The following TMX3 variants were observed in gnomAD, a reference collection of about 807,000 sequenced individuals.
TMX3 encodes protein disulfide-isomerase TMX3.
In TMX3, 40 loss-of-function variants were observed where a neutral mutation model predicts 64.4. The observed-to-expected ratio is 0.62, with a 90% CI of 0.48 to 0.81. The LOEUF (loss-of-function observed/expected upper bound fraction) is 0.81, where lower values mean the gene tolerates loss of function less well. Ranked by LOEUF, TMX3 falls within the 30% of genes least tolerant of loss-of-function variation. The pLI is 0.00. For synonymous variants in TMX3, 189 were observed against 175.7 expected (o/e 1.08, Z -0.60); for missense variants, 497 against 534.5 (o/e 0.93, Z 0.69).
intron 9 of TMX3, 55 bp from the exon 10 acceptor site, chr18:68,687,820 A>G: frequency 7.3e-7 from 1 of 1,374,862 alleles, no homozygotes; most frequent in Non-Finnish European, 1.0e-6. Context: ...TTTAAGAGTT[A>G]TAATAGCTTT....
rs1459318823 is a variant in TMX3, at chr18:68,697,274, C to T, written c.522G>A (p.Leu174=). Residue 174 remains leucine, a synonymous_variant, in exon 8 of 16, where the codon TTG becomes TTA. Coordinates refer to ENST00000299608, the MANE Select transcript of TMX3 (RefSeq NM_019022.5). ...CAGAAAAGAAGTATGTATATACAAT[C>T]AATTCTGAAGCAGCATCTATGTATT... ...KEKYIDAASE[L]IVYTYFFSAS... 2 of 1,579,340 alleles carry T rather than the reference C, an allele frequency of 1.3e-6. No individual in the cohort carries two copies. Among genetic ancestry groups the T allele is most frequent in the Non-Finnish European group, 1.7e-6 (2 of 1,161,460 alleles).
intron 8 of TMX3, among the ~76,000 whole-genome samples, chr18:68,692,411 C>G (rs753642633): frequency 5.9e-5 from 9 of 152,170 alleles, no homozygotes; most frequent in Non-Finnish European, 1.2e-4. Context: ...TCTTCTATTA[C>G]TGTTACAGTC....
At position 68,682,968 on chromosome 18, in the gene TMX3, C is replaced by A; in HGVS notation, c.862G>T (p.Gly288Cys). Residue 288 changes from glycine (G) to cysteine (C), a missense_variant, in exon 13 of 16, where the codon GGC becomes TGC. Around this residue, in one of 3 missense-constraint regions of TMX3, gnomAD observed 360 missense variants for 383.5 expected, o/e 0.94. Transcript: ENST00000299608. Reference protein sequence around the residue: ...RDLFHRDFQFGHMDGNDYINT... With the variant: ...RDLFHRDFQFCHMDGNDYINT... ...ATGTAGTCATTTCCATCCATGTGGCCAAACTGAAAATCCCTAACCACCACC... is the reference window on the plus strand; with the variant it reads ...ATGTAGTCATTTCCATCCATGTGGCAAAACTGAAAATCCCTAACCACCACC... 2 of 1,608,052 alleles carry A rather than the reference C, an allele frequency of 1.2e-6. No individual in the cohort carries two copies. Among genetic ancestry groups the A allele is most frequent in the Non-Finnish European group, 1.7e-6 (2 of 1,176,700 alleles).
At chr18:68,703,308 T>C (rs1037651510) in intron 4 of TMX3, among the ~76,000 whole-genome samples, 8 of 152,236 alleles carry the variant, frequency 5.3e-5, no homozygotes, top group African/African-American at 1.7e-4. Context: ...GGGACAAAGT[T>C]ATATTCCACT....
intron 8 of TMX3, among the ~76,000 whole-genome samples, chr18:68,695,410 T>C (rs1028773397): frequency 1.3e-5 from 2 of 152,232 alleles, no homozygotes; most frequent in Non-Finnish European, 2.9e-5. Context: ...TAGCCTTGAC[T>C]TAACTCTAGA....
In TMX3 at chr18:68,697,330, T is replaced by A; in HGVS notation, c.493-27A>T. On this transcript the variant is annotated intron_variant, in intron 7 of 15. Coordinates refer to ENST00000299608, the MANE Select transcript of TMX3 (RefSeq NM_019022.5). ...TATGAAGATACAAACAGAAAAAAGA[T>A]CATTGAAAAATATTAAAGGCCAAAA... is the stretch of plus-strand genomic sequence containing the variant. 9 of 1,414,220 alleles carry A rather than the reference T, an allele frequency of 6.4e-6. 1 individual carries two copies. Among genetic ancestry groups the A allele is most frequent in the Non-Finnish European group, 8.7e-6 (9 of 1,039,882 alleles). The allele number at this position is 1,414,220 out of a possible 1,614,324, so 87.6% of individuals were successfully genotyped here.
intron 6 of TMX3, among the ~76,000 whole-genome samples, chr18:68,699,085 A>C (rs1915419661): frequency 6.6e-6 from 1 of 152,122 alleles, no homozygotes; most frequent in African/African-American, 2.4e-5. Flanking sequence ...TGTATATTAC[A>C]ATACATAATT....
chr18:68,680,944 G>A (rs1372600272), intron 14 of TMX3, 37 bp downstream of exon 14: 1 of 1,530,588 alleles, frequency 6.5e-7, no homozygotes, highest in Admixed American at 2.1e-5. Flanking sequence ...TCTACCCCCT[G>A]TCCATCATCT....
chr18:68,687,047 A>G, intron 10 of TMX3: 1 of 981,744 alleles, frequency 1.0e-6, no homozygotes, highest in Non-Finnish European at 1.2e-6. Context: ...CATCCTACTT[A>G]TCATAAAGCT....
chr18:68,696,829 C>T (rs1211676337), intron 8 of TMX3: 2 of 160,944 alleles, frequency 1.2e-5, no homozygotes, highest in African/African-American at 2.4e-5. Flanking sequence ...GATTTGTTTA[C>T]TGAGGACTAC....
intron 12 of TMX3, 61 bp downstream of exon 12, chr18:68,684,124 GCTTTA>G: frequency 2.5e-6 from 3 of 1,177,556 alleles, no homozygotes; most frequent in Non-Finnish European, 3.7e-6. Context: ...TACTAAGTTT[GCTTTA>G]CTAAATTACA....
At chr18:68,687,863 G>C in intron 9 of TMX3, 98 bp from the exon 10 acceptor site, 1 of 758,604 alleles carries the variant, frequency 1.3e-6, no homozygotes, top group Non-Finnish European at 2.0e-6. Context: ...GCCTGACAGA[G>C]AATCATACTT....
Position 68,714,975 on chromosome 18 carries a change from C to G in TMX3, c.7G>C (p.Ala3Pro), listed in dbSNP as rs770405183. The change falls in exon 1 of 16, where the codon GCG becomes CCG. Residue 3 changes from alanine to proline, a missense_variant. By Grantham distance (27) the Ala-to-Pro change is conservative. Coordinates refer to ENST00000299608, the MANE Select transcript of TMX3 (RefSeq NM_019022.5). Reference protein sequence around the residue: MAAWKSWTALRLC... With the variant: MAPWKSWTALRLC... The stretch of plus-strand genomic sequence containing the variant: ...CGCAGGGCCGTCCAACTCTTCCACG[C>G]TGCCATGCTAGCCCGGGAGAGCTGC... 2 of 1,574,608 alleles carry G rather than the reference C, an allele frequency of 1.3e-6. No individual in the cohort carries two copies. Among genetic ancestry groups the G allele is most frequent in the Admixed American group, 1.8e-5 (1 of 54,804 alleles).
At chr18:68,686,984 A>C (rs1914025750) in intron 10 of TMX3, 1 of 983,554 alleles carries the variant, frequency 1.0e-6, no homozygotes, top group Non-Finnish European at 1.2e-6. Flanking sequence ...ACATTAAAAA[A>C]AAATAAGTCT....
In TMX3 at chr18:68,682,982, C is replaced by CT. The variant is rs1913584982; in HGVS notation, c.849-2dup. 1.9e-6 allele frequency: 3 copies of CT among 1,609,156 alleles called. 1 individual carries two copies. The Admixed American group carries it at 5.0e-5, about 27-fold the overall frequency. ...ATCCATGTGGCCAAACTGAAAATCC[C>CT]TAACCACCACCAACCAAAAATAAAT... On this transcript the variant is annotated splice_acceptor_variant, in intron 12 of 15. Transcript: ENST00000299608. LOFTEE classifies it high-confidence loss of function.
At chr18:68,706,553 T>A (rs527683951) in intron 4 of TMX3, 32 of 152,262 alleles carry the variant, frequency 2.1e-4, no homozygotes, top group African/African-American at 7.7e-4. Flanking sequence ...GAACTGACAA[T>A]AAGTACCCAG....
chr18:68,694,479 C>T (rs936350695), intron 8 of TMX3, among the ~76,000 whole-genome samples: 1 of 152,208 alleles, frequency 6.6e-6, no homozygotes, highest in Non-Finnish European at 1.5e-5. Context: ...GGCCAGATTC[C>T]ACGCTTGTTC....
rs570151911 is a variant in TMX3 at position 68,676,812 on chromosome 18, A to G, written c.*121T>C. On this transcript the variant is annotated 3_prime_UTR_variant, in exon 16 of 16. Coordinates refer to ENST00000299608, the MANE Select transcript of TMX3 (RefSeq NM_019022.5). The stretch of plus-strand genomic sequence containing the variant: ...GGGACTACTTTAATCCATGCAGTTG[A>G]TATTAGCAAAATACGAATAACATGT... The G allele has an allele frequency of 3.9e-6, 5 of 1,269,552 alleles. No homozygotes were observed. In the Admixed American group the frequency reaches 1.1e-4, roughly 27 times the overall value. 78.6% of individuals were successfully genotyped at this position (1,269,552 alleles called of 1,614,324 possible). A position where few individuals can be genotyped will look rare whatever the true frequency, so the allele number is the denominator to read the frequency against.
intron 5 of TMX3, 43 bp from the exon 6 acceptor site, chr18:68,700,528 G>C (rs1251003042): frequency 2.3e-6 from 3 of 1,325,908 alleles, no homozygotes; most frequent in African/African-American, 1.5e-5. Context: ...TGTTCTAACA[G>C]TTTTAATATT....
Sources: allele counts gnomAD v4.1 joint callset (sites outside exome capture counted in the v4.1 genomes callset), GRCh38; gene constraint gnomAD v4.1.1; regional missense constraint gnomAD v4.1.1; transcripts MANE v1.5; gene names NCBI Gene and HGNC (gene_info 2026-07-23, HGNC 2026-07-21).